ATP6V1C2: variants seen among roughly 807,000 people sequenced by gnomAD.
ATP6V1C2 encodes the protein ATPase H+ transporting V1 subunit C2.
Under a neutral mutation model 56.8 loss-of-function variants are expected in ATP6V1C2, and 45 were observed. The ratio of observed to expected loss-of-function variants is 0.79; its 90% CI spans 0.62 to 1.02. The LOEUF (loss-of-function observed/expected upper bound fraction) is 1.02. Among genes scored for constraint, ATP6V1C2 ranks in the 50% least tolerant of loss-of-function variants. ATP6V1C2 has a pLI of 0.00. For synonymous variants in ATP6V1C2, 220 were observed against 201.3 expected (o/e 1.09, Z -0.79); for missense variants, 463 against 519.7 (o/e 0.89, Z 1.06).
chr2:10,779,324 C>T lies in ATP6V1C2; in HGVS notation c.1061+655C>T, dbSNP rs1375761660. ...GTTTCACCATGTTGGTCAGGATGGT[C>T]TTGAGCTCCTCCTAACCTCAGATGA... On this transcript the variant is annotated intron_variant, in intron 12 of 13. Transcript: ENST00000272238. Among the ~76,000 whole-genome samples the T allele has an allele frequency of 6.9e-5, 10 of 145,840 alleles. No individual in the cohort carries two copies. The South Asian group carries it at 9.0e-4, about 13-fold the overall frequency.
intron 3 of ATP6V1C2, among the ~76,000 whole-genome samples, chr2:10,728,118 G>C (rs932633070): frequency 2.0e-5 from 3 of 152,156 alleles, no homozygotes; most frequent in African/African-American, 7.2e-5. Flanking sequence ...GTCTGGCTCT[G>C]TTGCCTAGGC....
chr2:10,769,779 A>C (rs570809523), intron 6 of ATP6V1C2, among the ~76,000 whole-genome samples: 2 of 152,224 alleles, frequency 1.3e-5, no homozygotes, highest in Admixed American at 6.5e-5. Context: ...GCTCCTGAAC[A>C]GGGTGGGGTG....
chr2:10,721,280 C>A (rs1661341225), upstream of ATP6V1C2, among the ~76,000 whole-genome samples: 1 of 152,126 alleles, frequency 6.6e-6, no homozygotes, highest in Admixed American at 6.5e-5. Context: ...GCAAGCGGGG[C>A]TGCGGCGGCC....
Position 10,784,961 on chromosome 2 carries a change from T to G in ATP6V1C2, c.*1698T>G, listed in dbSNP as rs908972592. 1.1e-5 allele frequency: 18 copies of G among 1,591,252 alleles called. No individual in the cohort carries two copies. The highest frequency in any genetic ancestry group is 2.7e-5 in the African/African-American group (2 of 74,560). On this transcript the variant is annotated 3_prime_UTR_variant, in exon 14 of 14. Transcript: ENST00000272238. ...CGCCATCCCTGCCGTCCCAAGGCTCTCTCTCAACGATGGTAGGGAAAGCCC... is the reference window on the plus strand; with the variant it reads ...CGCCATCCCTGCCGTCCCAAGGCTCGCTCTCAACGATGGTAGGGAAAGCCC...
Position 10,780,999 on chromosome 2 carries a change from G to A in ATP6V1C2, c.1062-1244G>A, listed in dbSNP as rs557569365. 2.0e-5 allele frequency among the ~76,000 whole-genome samples: 3 copies of A among 152,112 alleles called. No individual in the cohort carries two copies. Among genetic ancestry groups the A allele is most frequent in the Non-Finnish European group, 4.4e-5 (3 of 68,028 alleles). Reference sequence around the variant, plus strand: ...ACCTCAGGTGATCCAGCCTGCCTTGGCCCCCCAAAGTGCTGGGATTACAGG... The same window carrying A: ...ACCTCAGGTGATCCAGCCTGCCTTGACCCCCCAAAGTGCTGGGATTACAGG... On this transcript the variant is annotated intron_variant, in intron 12 of 13. Coordinates refer to ENST00000272238, the MANE Select transcript of ATP6V1C2 (RefSeq NM_001039362.2). This position sits in a 1 kb window ranked among gnomAD's most constrained non-coding sequence, Gnocchi z 4.1.
chr2:10,772,181 C>T (rs1004766909), intron 7 of ATP6V1C2, among the ~76,000 whole-genome samples: 3 of 152,118 alleles, frequency 2.0e-5, no homozygotes, highest in South Asian at 2.1e-4. Context: ...AATGTGTGGT[C>T]GACATTATTT....
Position 10,780,760 on chromosome 2 carries a change from T to G in ATP6V1C2, c.1062-1483T>G, listed in dbSNP as rs1464750228. ...CCGCTCCTGGGGTCCTTTTTTTTTT[T>G]TTTGAGATGGACTCTTGCTGTCGCC... On this transcript the variant is annotated intron_variant, in intron 12 of 13. Transcript: ENST00000272238. This position sits in a 1 kb window ranked among gnomAD's most constrained non-coding sequence, Gnocchi z 4.1. 2.0e-5 allele frequency among the ~76,000 whole-genome samples: 3 copies of G among 151,852 alleles called. No homozygotes were observed. The highest frequency in any genetic ancestry group is 2.4e-5 in the African/African-American group (1 of 41,306).
intron 2 of ATP6V1C2, among the ~76,000 whole-genome samples, chr2:10,726,092 CAA>C (rs1030986730): frequency 2.6e-5 from 4 of 151,998 alleles, no homozygotes; most frequent in Admixed American, 2.6e-4. Flanking sequence ...AAAACAACAA[CAA>C]AAAACACAAC....
chr2:10,784,896 G>T lies in ATP6V1C2; in HGVS notation c.*1633G>T. 7.1e-7 allele frequency: 1 copy of T among 1,404,746 alleles called. No individual in the cohort carries two copies. The highest frequency in any genetic ancestry group is 9.9e-7 in the Non-Finnish European group (1 of 1,010,900). 87.0% of individuals were successfully genotyped at this position (1,404,746 alleles called of 1,614,324 possible). On this transcript the variant is annotated 3_prime_UTR_variant, in exon 14 of 14. Transcript: ENST00000272238. ...TGCACAGGCTCAAGAGAGTAAACCA[G>T]GACTGCTGCCCGCACAGCTTCCCTC... is the stretch of plus-strand genomic sequence containing the variant.
Position 10,731,358 on chromosome 2 carries a change from A to T in ATP6V1C2, c.197+4789A>T, listed in dbSNP as rs1007596394. On this transcript the variant is annotated intron_variant, in intron 3 of 13. Transcript: ENST00000272238. ...GTAAAATCATGCTAAATCAAGTATT[A>T]TCAAATCTCAGGGCCTGTCCTGTAA... Among the ~76,000 whole-genome samples, 18 of 152,342 alleles carry T rather than the reference A, an allele frequency of 1.2e-4. No homozygotes were observed. The East Asian group carries it at 3.3e-3, about 28-fold the overall frequency.
At chr2:10,733,995 A>G (rs890797508) in intron 3 of ATP6V1C2, among the ~76,000 whole-genome samples, 4 of 152,228 alleles carry the variant, frequency 2.6e-5, no homozygotes, top group African/African-American at 9.6e-5. Flanking sequence ...AGGGCATTCT[A>G]AAGAGAAGTA....
rs1664690244 is a variant in ATP6V1C2, at chr2:10,772,544, C to G, written c.572C>G (p.Pro191Arg). 6.2e-7 allele frequency: 1 copy of G among 1,613,614 alleles called. No individual in the cohort carries two copies. Among genetic ancestry groups the G allele is most frequent in the Non-Finnish European group, 8.5e-7 (1 of 1,179,710 alleles). ...GTAACGATTCTATGTTCTTGCAGAC[C>G]AAACTACTCACAATGGCAAAAAACC... ...LVTLLVIVPK[P>R]NYSQWQKTYE... The change falls in exon 8 of 14, where the codon CCA becomes CGA. Residue 191 changes from proline to arginine, a missense_variant and splice_region_variant. Physicochemically the swap from Pro to Arg is moderately radical, Grantham distance 103. Coordinates refer to ENST00000272238, the MANE Select transcript of ATP6V1C2 (RefSeq NM_001039362.2).
chr2:10,762,504 C>T (rs1373085878), intron 4 of ATP6V1C2, among the ~76,000 whole-genome samples: 1 of 152,176 alleles, frequency 6.6e-6, no homozygotes, highest in Non-Finnish European at 1.5e-5. Flanking sequence ...CAGTAAGTGC[C>T]AGCCGCTTTA....
intron 12 of ATP6V1C2, among the ~76,000 whole-genome samples, chr2:10,779,785 G>C (rs952808096): frequency 6.6e-6 from 1 of 152,044 alleles, no homozygotes; most frequent in African/African-American, 2.4e-5. Context: ...TTAACACCAG[G>C]AGAGAACACT....
intron 4 of ATP6V1C2, among the ~76,000 whole-genome samples, chr2:10,759,594 G>C (rs1328371762): frequency 1.3e-5 from 2 of 152,168 alleles, no homozygotes; most frequent in African/African-American, 2.4e-5. Flanking sequence ...CCCCCTCTGA[G>C]GCCCAGGCTT....
chr2:10,758,956 C>G (rs1209527156), intron 4 of ATP6V1C2, among the ~76,000 whole-genome samples: 1 of 152,210 alleles, frequency 6.6e-6, no homozygotes, highest in Admixed American at 6.5e-5. Flanking sequence ...TGTGAGCCAC[C>G]GCGCCGGCCG....
At chr2:10,757,383 T>C (rs915075905) in intron 4 of ATP6V1C2, 2 of 397,796 alleles carry the variant, frequency 5.0e-6, no homozygotes, top group African/African-American at 4.1e-5. Context: ...ATCTTGGCTT[T>C]GTATGTCTAT....
At position 10,782,290 on chromosome 2, in the gene ATP6V1C2, A is replaced by C; in HGVS notation, c.1109A>C (p.Lys370Thr). ...NFQAVLLQPH[K>T]KSSTKRLREV... ...CAGGCAGTGCTCCTGCAGCCGCATA[A>C]GAAGTCATCCACCAAGCGTTTAAGA... Residue 370 changes from lysine (K) to threonine (T), a missense_variant, in exon 13 of 14, where the codon AAG becomes ACG. Coordinates refer to ENST00000272238, the MANE Select transcript of ATP6V1C2 (RefSeq NM_001039362.2). The C allele has an allele frequency of 1.2e-6, 2 of 1,614,226 alleles. No homozygotes were observed. The highest frequency in any genetic ancestry group is 8.5e-7 in the Non-Finnish European group (1 of 1,180,038).
At chr2:10,782,164 G>T (rs1665403569) in intron 12 of ATP6V1C2, 79 bp from the exon 13 acceptor site, 6 of 1,536,596 alleles carry the variant, frequency 3.9e-6, no homozygotes, top group Non-Finnish European at 5.3e-6. Context: ...CCCTCGGAAT[G>T]TACTGTTTCT....
Sources: gnomAD v4.1 joint callset for allele counts (sites outside exome capture counted in the v4.1 genomes callset) on GRCh38, gnomAD v4.1.1 for gene constraint, Gnocchi (gnomAD v3.1) non-coding constraint, MANE v1.5 for transcripts, NCBI Gene and HGNC (gene_info 2026-07-23, HGNC 2026-07-21) for gene names.